Variants in RASGRF2 observed in about 807,000 individuals in gnomAD.
RASGRF2 encodes the protein Ras protein specific guanine nucleotide releasing factor 2.
RASGRF2 carries 76 observed loss-of-function variants against 151.0 expected under a neutral mutation model. The observed-to-expected ratio is 0.50, with a 90% CI of 0.42 to 0.61. RASGRF2 has a LOEUF of 0.61. Among genes scored for constraint, RASGRF2 ranks in the 20% least tolerant of loss-of-function variants. The probability of loss-of-function intolerance (pLI) is 0.00; values close to 1 mark genes in which losing one functional copy is unlikely to be tolerated. For synonymous variants in RASGRF2, 504 were observed against 566.5 expected (o/e 0.89, Z 1.57); for missense variants, 1,148 against 1,564.6 (o/e 0.73, Z 4.49).
chr5:81,070,585 G>T lies in RASGRF2; in HGVS notation c.633+4G>T. On this transcript the variant is annotated splice_donor_region_variant and intron_variant, in intron 4 of 26. Transcript: ENST00000265080. ...AGACATCAAGAAGATTAAAAAGGTA[G>T]GGCCTGGAGGTTTCCAGCTTTGTAG... is the stretch of plus-strand genomic sequence containing the variant. 1 of 1,593,170 alleles carries T rather than the reference G, an allele frequency of 6.3e-7. No individual in the cohort carries two copies. Among genetic ancestry groups the T allele is most frequent in the Non-Finnish European group, 8.6e-7 (1 of 1,161,226 alleles).
At chr5:81,053,471 C>T (rs544564188) in intron 2 of RASGRF2, among the ~76,000 whole-genome samples, 8 of 151,994 alleles carry the variant, frequency 5.3e-5, no homozygotes, top group African/African-American at 1.9e-4. Context: ...TTTTTTATGG[C>T]TGCATAGTAT....
intron 1 of RASGRF2, among the ~76,000 whole-genome samples, chr5:80,969,575 A>C (rs1196079258): frequency 6.6e-6 from 1 of 150,782 alleles, no homozygotes; most frequent in South Asian, 2.1e-4. Flanking sequence ...CAGCCTCCCA[A>C]GTAGCTGGGA....
chr5:81,125,076 G>A (rs1355882559), intron 16 of RASGRF2, among the ~76,000 whole-genome samples: 1 of 152,068 alleles, frequency 6.6e-6, no homozygotes, highest in Non-Finnish European at 1.5e-5. Flanking sequence ...TAGTAGAGAC[G>A]GGTTTTCACT....
At chr5:80,963,739 C>T (rs978722124) in intron 1 of RASGRF2, among the ~76,000 whole-genome samples, 1 of 152,170 alleles carries the variant, frequency 6.6e-6, no homozygotes, top group Admixed American at 6.5e-5. Context: ...ACATCATTGC[C>T]TGAGGCAGAG....
At chr5:81,217,272 C>A in intron 24 of RASGRF2, 84 bp from the exon 25 acceptor site, 1 of 1,497,330 alleles carries the variant, frequency 6.7e-7, no homozygotes, top group South Asian at 1.4e-5. Context: ...AAGGAGGATA[C>A]TTTAATCCTC....
chr5:81,126,194 G>A (rs1039832135), intron 16 of RASGRF2, among the ~76,000 whole-genome samples: 2 of 152,230 alleles, frequency 1.3e-5, no homozygotes, highest in African/African-American at 4.8e-5. Flanking sequence ...ACTGCCAAAC[G>A]CTGTGTGTAC....
At position 81,094,997 on chromosome 5, in the gene RASGRF2, G is replaced by T; in HGVS notation, c.1755+5G>T. Reference sequence around the variant, plus strand: ...TGGATGAGTGACATCAGTCAGGTAAGAAAGTGGCTTTTGCCAAATTTTTGT... The same window carrying T: ...TGGATGAGTGACATCAGTCAGGTAATAAAGTGGCTTTTGCCAAATTTTTGT... On this transcript the variant is annotated splice_donor_5th_base_variant and intron_variant, in intron 12 of 26. Transcript: ENST00000265080. 1 of 1,429,342 alleles carries T rather than the reference G, an allele frequency of 7.0e-7. No individual in the cohort carries two copies. Among genetic ancestry groups the T allele is most frequent in the Non-Finnish European group, 9.2e-7 (1 of 1,087,024 alleles). The allele number at this position is 1,429,342 out of a possible 1,614,324, so 88.5% of individuals were successfully genotyped here.
chr5:81,207,030 CTG>C (rs1428744128), intron 20 of RASGRF2, 125 bp downstream of exon 20: 1 of 900,126 alleles, frequency 1.1e-6, no homozygotes, highest in Non-Finnish European at 1.8e-6. Context: ...CTGTGAAGCT[CTG>C]TGAGATGAAC....
intron 1 of RASGRF2, among the ~76,000 whole-genome samples, chr5:81,011,305 T>C (rs1210020662): frequency 6.6e-6 from 1 of 152,248 alleles, no homozygotes; most frequent in African/African-American, 2.4e-5. Flanking sequence ...TTATTCATGA[T>C]ATGACTGTGT....
chr5:81,025,961 G>A (rs1439577231), intron 1 of RASGRF2, among the ~76,000 whole-genome samples: 1 of 146,468 alleles, frequency 6.8e-6, no homozygotes, highest in Non-Finnish European at 1.5e-5. Context: ...CGGCCCTTTC[G>A]CCCTCCTTCC....
At position 81,112,809 on chromosome 5, in the gene RASGRF2, G is replaced by C. The variant is rs1302546474; in HGVS notation, c.2038G>C (p.Gly680Arg). 1.6e-5 allele frequency: 26 copies of C among 1,614,168 alleles called. No homozygotes were observed. Among genetic ancestry groups the C allele is most frequent in the Non-Finnish European group, 2.2e-5 (26 of 1,180,030 alleles). The stretch of plus-strand genomic sequence containing the variant: ...TTTCACTACTGCCGCTGTGGTGCTG[G>C]GGAAACTCTCCGACATATACAAGAG... Reference protein sequence around the residue: ...RIFTTAAVVLGKLSDIYKRPF... With the variant: ...RIFTTAAVVLRKLSDIYKRPF... The change falls in exon 14 of 27, where the codon GGG becomes CGG. Residue 680 changes from glycine to arginine, a missense_variant. Physicochemically the swap from Gly to Arg is moderately radical, Grantham distance 125. Transcript: ENST00000265080.
At chr5:81,089,767 C>T (rs1034758299) in intron 9 of RASGRF2, among the ~76,000 whole-genome samples, 4 of 152,192 alleles carry the variant, frequency 2.6e-5, no homozygotes, top group Admixed American at 6.5e-5. Context: ...AGTTTCTTCT[C>T]CTTAAATTGG....
At chr5:81,158,586 A>G (rs1754313802) in intron 17 of RASGRF2, among the ~76,000 whole-genome samples, 3 of 152,308 alleles carry the variant, frequency 2.0e-5, no homozygotes, top group African/African-American at 7.2e-5. Context: ...TACGAAATAT[A>G]TAAAGAAGTT....
chr5:80,969,493 C>T (rs536352965), intron 1 of RASGRF2, among the ~76,000 whole-genome samples: 6 of 145,714 alleles, frequency 4.1e-5, no homozygotes, highest in Non-Finnish European at 6.0e-5. Context: ...CTGTCACCCA[C>T]GCTGGAGTGC....
intron 17 of RASGRF2, among the ~76,000 whole-genome samples, chr5:81,143,725 A>G (rs544133559): frequency 8.5e-5 from 13 of 152,104 alleles, no homozygotes; most frequent in African/African-American, 3.1e-4. Flanking sequence ...TCCCATCTCT[A>G]CTAAAAATAC....
At chr5:81,183,395 G>A (rs77926720) in intron 18 of RASGRF2, 25 of 852,570 alleles carry the variant, frequency 2.9e-5, no homozygotes, top group Non-Finnish European at 3.5e-5. Flanking sequence ...GGGGTTAGGG[G>A]TTGGTTCTCC....
At chr5:81,114,367 G>A (rs1473570391) in intron 15 of RASGRF2, among the ~76,000 whole-genome samples, 1 of 152,216 alleles carries the variant, frequency 6.6e-6, no homozygotes, top group Non-Finnish European at 1.5e-5. Flanking sequence ...TCCCTGCTGA[G>A]GATGAGCTAG....
intron 13 of RASGRF2, among the ~76,000 whole-genome samples, chr5:81,110,293 A>C (rs539890192): frequency 2.0e-5 from 3 of 152,346 alleles, no homozygotes; most frequent in Non-Finnish European, 2.9e-5. Flanking sequence ...AGTGTTTACC[A>C]AAAAGGAGTT....
At chr5:81,055,074 G>A (rs188286584) in intron 2 of RASGRF2, among the ~76,000 whole-genome samples, 265 of 152,186 alleles carry the variant, frequency 1.7e-3, no homozygotes, top group African/African-American at 4.4e-3. Flanking sequence ...ATCTGCAAAC[G>A]GGGACAATTT....
Sources: allele counts gnomAD v4.1 joint callset (sites outside exome capture counted in the v4.1 genomes callset), GRCh38; gene constraint gnomAD v4.1.1; transcripts MANE v1.5; gene names NCBI Gene and HGNC (gene_info 2026-07-23, HGNC 2026-07-21).